Variants in TAFA1 observed in about 807,000 individuals in gnomAD.
The protein encoded by TAFA1 is TAFA chemokine like family member 1.
TAFA1 carries 4 observed loss-of-function variants against 18.5 expected under a neutral mutation model. The observed-to-expected ratio is 0.22, with a 90% CI of 0.11 to 0.49. The LOEUF (loss-of-function observed/expected upper bound fraction) is 0.49, where lower values mean the gene tolerates loss of function less well. Among genes scored for constraint, TAFA1 ranks in the 20% least tolerant of loss-of-function variants. The pLI is 0.98. For missense variants in TAFA1, 147 were observed against 169.0 expected (o/e 0.87, Z 0.72); for synonymous variants, 56 against 55.2 (o/e 1.01, Z -0.06).
chr3:68,436,292 A>G (rs7634101), intron 3 of TAFA1, among the ~76,000 whole-genome samples: 18,870 of 152,178 alleles, frequency 0.12, 1,619 homozygotes, highest in East Asian at 0.34. Flanking sequence ...TAAGGTGGGC[A>G]TAACAGTATC....
At chr3:68,129,352 T>A (rs1177302636) in intron 2 of TAFA1, among the ~76,000 whole-genome samples, 2 of 152,204 alleles carry the variant, frequency 1.3e-5, no homozygotes, top group African/African-American at 4.8e-5. Flanking sequence ...AAGAGCTGTA[T>A]TGTATAAAGG....
Position 68,260,520 on chromosome 3 carries a change from T to C in TAFA1, c.119-156760T>C, listed in dbSNP as rs187736467. ...ATAGTTTCAGAAGGAAATCAAACTA[T>C]ACTACAAGGCTACAGTAACCAAAAC... On this transcript the variant is annotated intron_variant, in intron 2 of 4. Coordinates refer to ENST00000478136, the MANE Select transcript of TAFA1 (RefSeq NM_213609.4). 5.0e-4 allele frequency among the ~76,000 whole-genome samples: 76 copies of C among 152,262 alleles called. 1 individual carries two copies. The East Asian group carries it at 0.013, about 26-fold the overall frequency.
intron 2 of TAFA1, among the ~76,000 whole-genome samples, chr3:68,194,713 C>A (rs957416680): frequency 6.6e-6 from 1 of 151,664 alleles, no homozygotes; most frequent in African/African-American, 2.4e-5. Flanking sequence ...GCAGCCATAG[C>A]AAACTAATAC....
intron 3 of TAFA1, among the ~76,000 whole-genome samples, chr3:68,425,014 A>G (rs373028434): frequency 7.9e-5 from 12 of 152,054 alleles, no homozygotes; most frequent in African/African-American, 1.4e-4. Flanking sequence ...AGTGTTGCCT[A>G]AGACTGGCTG....
At chr3:68,447,877 G>A (rs1163326582) in intron 3 of TAFA1, among the ~76,000 whole-genome samples, 1 of 152,210 alleles carries the variant, frequency 6.6e-6, no homozygotes, top group Non-Finnish European at 1.5e-5. Context: ...AACATGTACA[G>A]CACGACTTGC....
chr3:68,073,989 G>A (rs2064791332), intron 2 of TAFA1, among the ~76,000 whole-genome samples: 2 of 152,126 alleles, frequency 1.3e-5, no homozygotes. Flanking sequence ...ACATTATAAT[G>A]TATAATGAAT....
chr3:68,160,488 C>T (rs1367916440), intron 2 of TAFA1, among the ~76,000 whole-genome samples: 2 of 152,110 alleles, frequency 1.3e-5, no homozygotes, highest in Non-Finnish European at 2.9e-5. Context: ...AGATAATATC[C>T]CCAGATATGT....
intron 2 of TAFA1, among the ~76,000 whole-genome samples, chr3:68,337,410 C>T (rs982396286): frequency 1.3e-5 from 2 of 152,112 alleles, no homozygotes; most frequent in Non-Finnish European, 2.9e-5. Flanking sequence ...CCAATCACCT[C>T]CCACCAGGCC....
chr3:68,106,053 T>C (rs930220937), intron 2 of TAFA1, among the ~76,000 whole-genome samples: 3 of 151,996 alleles, frequency 2.0e-5, no homozygotes, highest in Non-Finnish European at 4.4e-5. Flanking sequence ...AATTTTAAAA[T>C]GCCAAAAGAA....
At chr3:68,209,832 A>G (rs1259087516) in intron 2 of TAFA1, among the ~76,000 whole-genome samples, 1 of 152,006 alleles carries the variant, frequency 6.6e-6, no homozygotes, top group East Asian at 1.9e-4. Flanking sequence ...AAACCCACAC[A>G]ATTTATATAT....
At chr3:68,051,563 C>A (rs1468423653) in intron 2 of TAFA1, among the ~76,000 whole-genome samples, 2 of 151,990 alleles carry the variant, frequency 1.3e-5, no homozygotes, top group East Asian at 3.9e-4. Context: ...CAGGACAGTT[C>A]TGTACAATAA....
intron 3 of TAFA1, among the ~76,000 whole-genome samples, chr3:68,534,135 A>T (rs2073234360): frequency 6.6e-6 from 1 of 152,162 alleles, no homozygotes; most frequent in Admixed American, 6.6e-5. Flanking sequence ...GAGGAAAAAA[A>T]AGTGAACTAA....
chr3:68,378,584 G>A lies in TAFA1; in HGVS notation c.119-38696G>A, dbSNP rs114553130. On this transcript the variant is annotated intron_variant, in intron 2 of 4. Coordinates refer to ENST00000478136, the MANE Select transcript of TAFA1 (RefSeq NM_213609.4). ...TGCAGGAATGAGTTAAGACTTTGAG[G>A]ACTGTTGGGAAGGCATGACTGGTTT... Among the ~76,000 whole-genome samples, 1,116 of 152,276 alleles carry A rather than the reference G, an allele frequency of 7.3e-3. 14 individuals carry two copies. Among genetic ancestry groups the A allele is most frequent in the African/African-American group, 0.025 (1,048 of 41,542 alleles).
At chr3:68,325,888 G>T (rs2068769970) in intron 2 of TAFA1, among the ~76,000 whole-genome samples, 1 of 152,134 alleles carries the variant, frequency 6.6e-6, no homozygotes, top group Non-Finnish European at 1.5e-5. Flanking sequence ...CCAATGACGT[G>T]TATCTTGCTA....
chr3:68,438,869 C>T (rs2071313160), intron 3 of TAFA1, among the ~76,000 whole-genome samples: 1 of 152,208 alleles, frequency 6.6e-6, no homozygotes, highest in Middle Eastern at 3.4e-3. Context: ...CTAGGATGGC[C>T]ACACATTGCT....
chr3:68,041,552 G>A (rs763857081), intron 2 of TAFA1, among the ~76,000 whole-genome samples: 1 of 152,112 alleles, frequency 6.6e-6, no homozygotes, highest in Non-Finnish European at 1.5e-5. Context: ...GGGTTGAAAA[G>A]GTTTGGAAAC....
intron 2 of TAFA1, among the ~76,000 whole-genome samples, chr3:68,172,794 G>A (rs13088620): frequency 0.19 from 28,978 of 152,052 alleles, 3,142 homozygotes; most frequent in Middle Eastern, 0.28. Context: ...ATTATTTATT[G>A]ATTAAAAAAA....
intron 2 of TAFA1, among the ~76,000 whole-genome samples, chr3:68,395,959 A>G (rs116583767): frequency 0.015 from 2,235 of 152,130 alleles, 57 homozygotes; most frequent in South Asian, 0.049. Flanking sequence ...TAATAATAAT[A>G]AAATATCTAC....
chr3:68,543,274 T>C (rs2073406600), intron 4 of TAFA1, among the ~76,000 whole-genome samples: 1 of 152,082 alleles, frequency 6.6e-6, no homozygotes, highest in African/African-American at 2.4e-5. Flanking sequence ...GTCAGTTACT[T>C]GGTGGCAGGA....
Sources: gnomAD v4.1 joint callset for allele counts (sites outside exome capture counted in the v4.1 genomes callset) on GRCh38, gnomAD v4.1.1 for gene constraint, MANE v1.5 for transcripts, NCBI Gene and HGNC (gene_info 2026-07-23, HGNC 2026-07-21) for gene names.